TCF7L1: variants seen among roughly 807,000 people sequenced by gnomAD.
TCF7L1 encodes the protein transcription factor 7 like 1, also known as transcription factor 7-like 1.
Under a neutral mutation model 63.7 loss-of-function variants are expected in TCF7L1, and 18 were observed. The ratio of observed to expected loss-of-function variants is 0.28; its 90% CI spans 0.20 to 0.42. The LOEUF is 0.42. TCF7L1 is among the 10% of genes least tolerant of loss of function. The probability of loss-of-function intolerance (pLI) is 1.00; values close to 1 mark genes in which losing one functional copy is unlikely to be tolerated. For missense variants in TCF7L1, 654 were observed against 779.3 expected, an observed-to-expected ratio of 0.84 and a Z score of 1.91; for synonymous variants, 355 against 340.9, an observed-to-expected ratio of 1.04 and a Z score of -0.46.
At chr2:85,273,741 C>A (rs1347579215) in intron 3 of TCF7L1, among the ~76,000 whole-genome samples, 1 of 152,174 alleles carries the variant, frequency 6.6e-6, no homozygotes, top group African/African-American at 2.4e-5. Context: ...ACCTCCATGT[C>A]TGTGAGCATG....
chr2:85,299,791 A>G (rs1294812414), intron 4 of TCF7L1, among the ~76,000 whole-genome samples: 1 of 150,406 alleles, frequency 6.6e-6, no homozygotes, highest in Admixed American at 6.7e-5. Flanking sequence ...CCTGGGAGGT[A>G]GAGGCTGCAG....
At chr2:85,173,655 T>A (rs1678605186) in intron 3 of TCF7L1, among the ~76,000 whole-genome samples, 1 of 152,198 alleles carries the variant, frequency 6.6e-6, no homozygotes, top group Non-Finnish European at 1.5e-5. Context: ...CCTGAGCAGT[T>A]GGAACTATAG....
At chr2:85,236,901 C>T (rs1303336239) in intron 3 of TCF7L1, among the ~76,000 whole-genome samples, 1 of 152,178 alleles carries the variant, frequency 6.6e-6, no homozygotes, top group African/African-American at 2.4e-5. Context: ...GTTCCCTAAA[C>T]CTGTCTACCA....
At chr2:85,221,969 C>T (rs1371438400) in intron 3 of TCF7L1, among the ~76,000 whole-genome samples, 3 of 151,328 alleles carry the variant, frequency 2.0e-5, no homozygotes, top group Admixed American at 2.0e-4. Context: ...AACTTGGTTT[C>T]CTCCACGAAT....
intron 3 of TCF7L1, among the ~76,000 whole-genome samples, chr2:85,176,128 A>C (rs1678672901): frequency 6.6e-6 from 1 of 152,264 alleles, no homozygotes; most frequent in African/African-American, 2.4e-5. Context: ...TTTGTAGGGC[A>C]TACTGGGGTG....
chr2:85,182,287 C>A (rs1396007274), intron 3 of TCF7L1, among the ~76,000 whole-genome samples: 1 of 152,114 alleles, frequency 6.6e-6, no homozygotes, highest in Non-Finnish European at 1.5e-5. Flanking sequence ...CAGGCAGAGT[C>A]CCTGATACTC....
chr2:85,193,085 T>G (rs1679073059), intron 3 of TCF7L1, among the ~76,000 whole-genome samples: 1 of 152,178 alleles, frequency 6.6e-6, no homozygotes, highest in Non-Finnish European at 1.5e-5. Flanking sequence ...AAAGGTTGCT[T>G]TGTTAGTTGT....
chr2:85,161,499 C>T (rs1405664441), intron 3 of TCF7L1, among the ~76,000 whole-genome samples: 7 of 152,006 alleles, frequency 4.6e-5, no homozygotes, highest in Non-Finnish European at 8.8e-5. Flanking sequence ...CTGCCCTCCC[C>T]GGGCTTGCTT....
At chr2:85,252,031 C>T (rs112894588) in intron 3 of TCF7L1, among the ~76,000 whole-genome samples, 8 of 152,244 alleles carry the variant, frequency 5.3e-5, no homozygotes, top group South Asian at 2.1e-4. Flanking sequence ...GCTGTGATTG[C>T]GCCACTGCAC....
At chr2:85,265,757 C>T (rs1680955210) in intron 3 of TCF7L1, among the ~76,000 whole-genome samples, 1 of 150,482 alleles carries the variant, frequency 6.6e-6, no homozygotes, top group South Asian at 2.1e-4. Context: ...TGAATATAGA[C>T]TTTACTGGGT....
chr2:85,260,512 G>A (rs144710517), intron 3 of TCF7L1, among the ~76,000 whole-genome samples: 6 of 151,956 alleles, frequency 3.9e-5, no homozygotes, highest in East Asian at 3.9e-4. Context: ...ATGGTGGTGC[G>A]TGCATGTAGT....
chr2:85,175,824 T>G (rs1678666965), intron 3 of TCF7L1, among the ~76,000 whole-genome samples: 1 of 152,242 alleles, frequency 6.6e-6, no homozygotes, highest in South Asian at 2.1e-4. Context: ...TACTTTGGAC[T>G]CTCTCAATGC....
At chr2:85,308,229 G>T (rs1682164840) in intron 11 of TCF7L1, among the ~76,000 whole-genome samples, 1 of 152,050 alleles carries the variant, frequency 6.6e-6, no homozygotes, top group Admixed American at 6.6e-5. Context: ...ACAGAAAGAT[G>T]CTCACACTGT....
At chr2:85,165,040 A>T (rs977682009) in intron 3 of TCF7L1, among the ~76,000 whole-genome samples, 1 of 152,198 alleles carries the variant, frequency 6.6e-6, no homozygotes, top group Non-Finnish European at 1.5e-5. Context: ...TAATTTGTGC[A>T]TTTAGCATCA....
chr2:85,234,393 C>G (rs1203624160), intron 3 of TCF7L1, among the ~76,000 whole-genome samples: 1 of 152,144 alleles, frequency 6.6e-6, no homozygotes, highest in African/African-American at 2.4e-5. Flanking sequence ...CTCGGCCTCC[C>G]AAAGTGCTGG....
chr2:85,191,444 A>G (rs1490636336), intron 3 of TCF7L1, among the ~76,000 whole-genome samples: 1 of 152,216 alleles, frequency 6.6e-6, no homozygotes, highest in Non-Finnish European at 1.5e-5. Flanking sequence ...TCCCTGCACT[A>G]TGCAATGGTA....
intron 4 of TCF7L1, among the ~76,000 whole-genome samples, chr2:85,286,834 A>G (rs767524325): frequency 1.3e-5 from 2 of 152,144 alleles, no homozygotes; most frequent in Non-Finnish European, 2.9e-5. Context: ...ATTCACACCT[A>G]TAGTCCCATT....
chr2:85,156,773 G>A (rs1331373002), intron 3 of TCF7L1, among the ~76,000 whole-genome samples: 1 of 152,200 alleles, frequency 6.6e-6, no homozygotes, highest in Non-Finnish European at 1.5e-5. Flanking sequence ...GTGTGTGTAT[G>A]TGTATACGCG....
In TCF7L1 at chr2:85,168,809, T is replaced by C. The variant is rs997247443; in HGVS notation, c.441+34359T>C. 3.9e-5 allele frequency among the ~76,000 whole-genome samples: 6 copies of C among 152,242 alleles called. No individual in the cohort carries two copies. In the South Asian group the frequency reaches 6.2e-4, roughly 16 times the overall value. On this transcript the variant is annotated intron_variant, in intron 3 of 11. Coordinates refer to ENST00000282111, the MANE Select transcript of TCF7L1 (RefSeq NM_031283.3). ...GCTAATTTTTGTATTTTAGTAGAGA[T>C]GGAGTTTCACCATATTGGCCAGGCT...
Sources: gnomAD v4.1 joint callset for allele counts (sites outside exome capture counted in the v4.1 genomes callset) on GRCh38, gnomAD v4.1.1 for gene constraint, MANE v1.5 for transcripts, NCBI Gene and HGNC (gene_info 2026-07-23, HGNC 2026-07-21) for gene names.